The following RSPH1 variants were observed in gnomAD, a reference collection of about 807,000 sequenced individuals.
RSPH1 encodes radial spoke head component 1.
RSPH1 carries 32 observed loss-of-function variants against 44.2 expected under a neutral mutation model. That is an observed-to-expected ratio of 0.72 (90% CI 0.55 to 0.97). The LOEUF (loss-of-function observed/expected upper bound fraction) is 0.97. RSPH1 is among the 50% of genes least tolerant of loss of function. The pLI is 0.00. For synonymous variants in RSPH1, 134 were observed against 147.3 expected, an observed-to-expected ratio of 0.91 and a Z score of 0.65; for missense variants, 391 against 398.7, an observed-to-expected ratio of 0.98 and a Z score of 0.16.
chr21:42,493,125 G>A (rs780077219), intron 1 of RSPH1, 46 bp from the exon 2 acceptor site: 7 of 1,494,628 alleles, frequency 4.7e-6, no homozygotes, highest in South Asian at 2.3e-5. Flanking sequence ...TTCATTAAGC[G>A]CTAACCAGGT....
intron 5 of RSPH1, among the ~76,000 whole-genome samples, chr21:42,483,372 T>G (rs1442373282): frequency 6.6e-6 from 1 of 152,110 alleles, no homozygotes; most frequent in Non-Finnish European, 1.5e-5. Flanking sequence ...TAGATGAGGC[T>G]CTAATCGTTT....
intron 6 of RSPH1, among the ~76,000 whole-genome samples, chr21:42,478,668 C>T (rs2054095921): frequency 6.6e-6 from 1 of 152,214 alleles, no homozygotes; most frequent in Admixed American, 6.5e-5. Context: ...ACAGCATCAC[C>T]ATATGACCCA....
At position 42,492,808 on chromosome 21, in the gene RSPH1, T is replaced by C; in HGVS notation, c.224A>G (p.Lys75Arg). 6.2e-7 allele frequency: 1 copy of C among 1,613,720 alleles called. No homozygotes were observed. The highest frequency in any genetic ancestry group is 8.5e-7 in the Non-Finnish European group (1 of 1,179,574). ...TATAAAAGTGCCTTGACCGTGCTTT[T>C]TATTTCTAACATATTCTCCGATATA... ...ARYIGEYVRN[K>R]KHGQGTFIYP... The change falls in exon 3 of 9, where the codon AAA becomes AGA. Residue 75 changes from lysine (K) to arginine (R), a missense_variant. Lys to Arg is a conservative substitution (Grantham distance 26). Coordinates refer to ENST00000291536, the MANE Select transcript of RSPH1 (RefSeq NM_080860.4).
chr21:42,479,895 A>G (rs914142957), intron 6 of RSPH1, among the ~76,000 whole-genome samples: 6 of 152,176 alleles, frequency 3.9e-5, no homozygotes, highest in African/African-American at 1.4e-4. Context: ...TCGTGCTCAG[A>G]GGAGGTAGGG....
intron 6 of RSPH1, among the ~76,000 whole-genome samples, chr21:42,482,363 G>A (rs886595111): frequency 1.3e-5 from 2 of 152,190 alleles, no homozygotes; most frequent in East Asian, 3.8e-4. Flanking sequence ...GATTACAGGC[G>A]TGAGCCATTG....
chr21:42,485,284 T>TTAAAAAA, intron 5 of RSPH1: 1 of 181,104 alleles, frequency 5.5e-6, no homozygotes, highest in Admixed American at 5.6e-5. Context: ...GCACCTCCCC[T>TTAAAAAA]TCCAGGGAAA....
intron 8 of RSPH1, among the ~76,000 whole-genome samples, chr21:42,475,521 T>A (rs1167210432): frequency 4.9e-5 from 7 of 143,806 alleles, no homozygotes; most frequent in Non-Finnish European, 9.0e-5. Context: ...TGAGCCAAGA[T>A]CGCACCACTG....
intron 6 of RSPH1, among the ~76,000 whole-genome samples, chr21:42,479,160 G>A (rs2054100550): frequency 6.6e-6 from 1 of 152,158 alleles, no homozygotes; most frequent in South Asian, 2.1e-4. Flanking sequence ...AAGAAACAGG[G>A]AGTGAGCCGT....
At chr21:42,476,165 C>T (rs2054047391) in intron 7 of RSPH1, 118 bp from the exon 8 acceptor site, 1 of 974,220 alleles carries the variant, frequency 1.0e-6, no homozygotes, top group Middle Eastern at 2.3e-4. Context: ...CCACTGGCAG[C>T]ACCTCATGTT....
intron 3 of RSPH1, among the ~76,000 whole-genome samples, chr21:42,487,954 C>T (rs1024641289): frequency 5.3e-5 from 8 of 152,176 alleles, no homozygotes; most frequent in African/African-American, 1.2e-4. Context: ...CCCCAGGGCG[C>T]GAGCACCAGC....
intron 6 of RSPH1, among the ~76,000 whole-genome samples, chr21:42,479,946 A>G (rs1464113084): frequency 2.0e-5 from 3 of 151,900 alleles, no homozygotes; most frequent in African/African-American, 7.3e-5. Context: ...TGGCCATTTC[A>G]TTTTCTGGTT....
At chr21:42,481,326 C>G (rs371528466) in intron 6 of RSPH1, among the ~76,000 whole-genome samples, 1 of 152,142 alleles carries the variant, frequency 6.6e-6, no homozygotes, top group Non-Finnish European at 1.5e-5. Context: ...AGAGGCCAGG[C>G]AGTTGCGGGT....
intron 1 of RSPH1, among the ~76,000 whole-genome samples, chr21:42,495,404 G>A (rs2054277874): frequency 6.6e-6 from 1 of 152,178 alleles, no homozygotes; most frequent in African/African-American, 2.4e-5. Flanking sequence ...TACTGTGCAT[G>A]CAGACCATAG....
At chr21:42,480,149 A>T (rs1017527958) in intron 6 of RSPH1, among the ~76,000 whole-genome samples, 11 of 152,216 alleles carry the variant, frequency 7.2e-5, no homozygotes, top group African/African-American at 2.7e-4. Context: ...AGAATATCAC[A>T]GGAGCGGGAA....
At chr21:42,494,234 T>C (rs2054264157) in intron 1 of RSPH1, among the ~76,000 whole-genome samples, 1 of 152,166 alleles carries the variant, frequency 6.6e-6, no homozygotes, top group South Asian at 2.1e-4. Flanking sequence ...ACACTGTATT[T>C]CTTAAATATA....
intron 1 of RSPH1, 79 bp downstream of exon 1, chr21:42,496,054 C>A: frequency 6.5e-7 from 1 of 1,536,342 alleles, no homozygotes; most frequent in Non-Finnish European, 9.0e-7. Flanking sequence ...TTCTGCGCCT[C>A]CTCACTCTCC....
At chr21:42,477,207 A>C (rs9753814) in intron 7 of RSPH1, 84 bp downstream of exon 7, 11 of 46,914 alleles carry the variant, frequency 2.3e-4, no homozygotes, top group East Asian at 6.1e-4. Context: ...CAGCCCGGGG[A>C]TGCCCCACAC....
In RSPH1 at chr21:42,474,057, C is replaced by A. The variant is rs533829572; in HGVS notation, c.878-1187G>T. 6.6e-6 allele frequency among the ~76,000 whole-genome samples: 1 copy of A among 152,216 alleles called. No individual in the cohort carries two copies. Among genetic ancestry groups the A allele is most frequent in the Admixed American group, 6.5e-5 (1 of 15,290 alleles). ...AGGATTCCTCCTGCTCCATCCCCTC[C>A]GTTATCTCCCCCACCAAGTTTCTGG... is the stretch of plus-strand genomic sequence containing the variant. On this transcript the variant is annotated intron_variant, in intron 8 of 8. Coordinates refer to ENST00000291536, the MANE Select transcript of RSPH1 (RefSeq NM_080860.4). This position sits in a 1 kb window ranked among gnomAD's most constrained non-coding sequence, Gnocchi z 5.2.
chr21:42,491,208 A>T (rs1458309333), intron 3 of RSPH1, among the ~76,000 whole-genome samples: 3 of 152,176 alleles, frequency 2.0e-5, no homozygotes, highest in Non-Finnish European at 4.4e-5. Context: ...TACCCTCCGG[A>T]TCCACAACTT....
Sources: gnomAD v4.1 joint callset for allele counts (sites outside exome capture counted in the v4.1 genomes callset) on GRCh38, gnomAD v4.1.1 for gene constraint, Gnocchi (gnomAD v3.1) non-coding constraint, MANE v1.5 for transcripts, NCBI Gene and HGNC (gene_info 2026-07-23, HGNC 2026-07-21) for gene names.